The following MYRIP variants were observed in gnomAD, a reference collection of about 807,000 sequenced individuals.
The protein encoded by MYRIP is rab effector MyRIP.
In MYRIP, 49 loss-of-function variants were observed where a neutral mutation model predicts 98.0. The ratio of observed to expected loss-of-function variants is 0.50; its 90% CI spans 0.40 to 0.63. MYRIP has a LOEUF of 0.63. MYRIP is among the 30% of genes least tolerant of loss of function. The probability of loss-of-function intolerance (pLI) is 0.00; values close to 1 mark genes in which losing one functional copy is unlikely to be tolerated. For synonymous variants in MYRIP, 404 were observed against 409.5 expected, an observed-to-expected ratio of 0.99 and a Z score of 0.16; for missense variants, 1,004 against 1,058.2, an observed-to-expected ratio of 0.95 and a Z score of 0.71.
chr3:40,210,796 T>C (rs1378209473), intron 11 of MYRIP, among the ~76,000 whole-genome samples: 1 of 152,034 alleles, frequency 6.6e-6, no homozygotes. Context: ...GAAGATAAAC[T>C]CAACCTCTGG....
intron 11 of MYRIP, among the ~76,000 whole-genome samples, chr3:40,227,463 C>T (rs1381018015): frequency 2.0e-5 from 3 of 151,918 alleles, no homozygotes; most frequent in South Asian, 2.1e-4. Flanking sequence ...CTTGGACTAT[C>T]CTGTATTCTG....
chr3:40,186,098 G>A (rs149061766), intron 9 of MYRIP, among the ~76,000 whole-genome samples: 57 of 152,254 alleles, frequency 3.7e-4, no homozygotes, highest in African/African-American at 1.3e-3. Flanking sequence ...TTTTGGCAAA[G>A]CTCAGAGAAC....
At chr3:39,822,868 C>CTTTTTTTTT (rs35751546) in intron 1 of MYRIP, among the ~76,000 whole-genome samples, 1 of 146,800 alleles carries the variant, frequency 6.8e-6, no homozygotes. Flanking sequence ...GGATTTGATT[C>CTTTTTTTTT]TTTTTTTTTT....
At chr3:39,995,325 T>C (rs1043996905) in intron 2 of MYRIP, among the ~76,000 whole-genome samples, 1 of 151,922 alleles carries the variant, frequency 6.6e-6, no homozygotes, top group Non-Finnish European at 1.5e-5. Context: ...GAATAACAAA[T>C]GCAGAGAAGT....
At chr3:40,040,103 C>A (rs936706895) in intron 2 of MYRIP, among the ~76,000 whole-genome samples, 1 of 152,098 alleles carries the variant, frequency 6.6e-6, no homozygotes, top group Non-Finnish European at 1.5e-5. Flanking sequence ...TTATAAGACC[C>A]CTTTTCCAAA....
intron 2 of MYRIP, among the ~76,000 whole-genome samples, chr3:39,916,196 A>C (rs1343630889): frequency 6.6e-6 from 1 of 152,096 alleles, no homozygotes; most frequent in African/African-American, 2.4e-5. Context: ...GAAACCTTAC[A>C]AAATAAGACA....
intron 2 of MYRIP, among the ~76,000 whole-genome samples, chr3:40,007,867 G>A (rs1946668883): frequency 6.6e-6 from 1 of 152,208 alleles, no homozygotes; most frequent in African/African-American, 2.4e-5. Context: ...TTGATTGGAT[G>A]AGGCTCATCC....
chr3:39,905,975 C>T (rs1235604979), intron 2 of MYRIP, among the ~76,000 whole-genome samples: 1 of 152,058 alleles, frequency 6.6e-6, no homozygotes, highest in African/African-American at 2.4e-5. Flanking sequence ...GCTTACTAGT[C>T]AAGGTCATGT....
chr3:40,243,384 A>G (rs1953085929), intron 12 of MYRIP, among the ~76,000 whole-genome samples: 1 of 139,104 alleles, frequency 7.2e-6, no homozygotes, highest in Non-Finnish European at 1.5e-5. Flanking sequence ...CCTCACCAAC[A>G]CAGCATCACT....
intron 2 of MYRIP, among the ~76,000 whole-genome samples, chr3:39,984,898 G>T (rs1410366351): frequency 6.6e-6 from 1 of 151,444 alleles, no homozygotes; most frequent in Non-Finnish European, 1.5e-5. Context: ...GTTGTTTCCT[G>T]ACTTTTTAAT....
intron 3 of MYRIP, among the ~76,000 whole-genome samples, chr3:40,142,859 AGAGC>A (rs1253010292): frequency 6.6e-6 from 1 of 152,242 alleles, no homozygotes; most frequent in Non-Finnish European, 1.5e-5. Flanking sequence ...CATCACCAGG[AGAGC>A]ATCTCTCTTT....
chr3:39,987,167 C>T (rs978986035), intron 2 of MYRIP, among the ~76,000 whole-genome samples: 1 of 152,058 alleles, frequency 6.6e-6, no homozygotes, highest in African/African-American at 2.4e-5. Context: ...TGCCCTCTAC[C>T]CCACGACTGG....
chr3:39,956,507 T>G (rs7634924), intron 2 of MYRIP, among the ~76,000 whole-genome samples: 40,426 of 152,024 alleles, frequency 0.27, 5,854 homozygotes, highest in Middle Eastern at 0.36. Flanking sequence ...CATATCAGAA[T>G]CTCTGAGACA....
intron 1 of MYRIP, among the ~76,000 whole-genome samples, chr3:39,886,595 C>A (rs2125652112): frequency 6.6e-6 from 1 of 151,870 alleles, no homozygotes; most frequent in East Asian, 1.9e-4. Context: ...ACAAAAAAGG[C>A]CATTATGTAA....
At chr3:40,073,524 G>A (rs974888157) in intron 3 of MYRIP, among the ~76,000 whole-genome samples, 3 of 152,184 alleles carry the variant, frequency 2.0e-5, no homozygotes, top group Admixed American at 6.5e-5. Context: ...CGCATGCTGC[G>A]GGGCTCAGTG....
At chr3:40,164,701 C>T (rs1575589464) in intron 5 of MYRIP, among the ~76,000 whole-genome samples, 1 of 152,156 alleles carries the variant, frequency 6.6e-6, no homozygotes, top group Admixed American at 6.5e-5. Flanking sequence ...CTTAATCTTC[C>T]CTCCTACCCT....
rs929058314 is a variant in MYRIP at position 39,883,924 on chromosome 3, G to A, written c.-30-16863G>A. Among the ~76,000 whole-genome samples, 5 of 152,028 alleles carry A rather than the reference G, an allele frequency of 3.3e-5. No individual in the cohort carries two copies. The South Asian group carries it at 6.2e-4, about 19-fold the overall frequency. ...AAAAGAGTTATTATTCGAAGACAAG[G>A]TACCTGAGAATTTTCCAAAGCTGAT... On this transcript the variant is annotated intron_variant, in intron 1 of 16. Coordinates refer to ENST00000302541, the MANE Select transcript of MYRIP (RefSeq NM_015460.4).
intron 1 of MYRIP, among the ~76,000 whole-genome samples, chr3:39,823,105 C>T (rs1464972843): frequency 2.0e-5 from 3 of 151,040 alleles, no homozygotes; most frequent in East Asian, 2.0e-4. Flanking sequence ...CTGCAACCTC[C>T]GCCTCCTGGG....
At chr3:39,875,717 A>C (rs909924515) in intron 1 of MYRIP, among the ~76,000 whole-genome samples, 2 of 150,384 alleles carry the variant, frequency 1.3e-5, no homozygotes, top group African/African-American at 2.5e-5. Context: ...AGTTTGTTAT[A>C]ATTTCTGTTC....
Sources: gnomAD v4.1 joint callset for allele counts (sites outside exome capture counted in the v4.1 genomes callset) on GRCh38, gnomAD v4.1.1 for gene constraint, MANE v1.5 for transcripts, NCBI Gene and HGNC (gene_info 2026-07-23, HGNC 2026-07-21) for gene names.